The following PRRX1 variants were observed in gnomAD, a reference collection of about 807,000 sequenced individuals.
PRRX1 encodes paired mesoderm homeobox protein 1.
In PRRX1, 8 loss-of-function variants were observed where a neutral mutation model predicts 24.0. That is an observed-to-expected ratio of 0.33 (90% CI 0.20 to 0.60). PRRX1 has a LOEUF of 0.60. Among genes scored for constraint, PRRX1 ranks in the 20% least tolerant of loss-of-function variants. The pLI is 0.82. For synonymous variants in PRRX1, 160 were observed against 131.7 expected (o/e 1.22, Z -1.47); for missense variants, 281 against 322.4 (o/e 0.87, Z 0.98).
At chr1:170,734,690 C>T (rs1655549042) in intron 3 of PRRX1, among the ~76,000 whole-genome samples, 1 of 152,096 alleles carries the variant, frequency 6.6e-6, no homozygotes, top group African/African-American at 2.4e-5. Context: ...GTCACCCATA[C>T]ACTTAACCAG....
intron 2 of PRRX1, among the ~76,000 whole-genome samples, chr1:170,724,780 A>G (rs964705981): frequency 6.6e-6 from 1 of 152,120 alleles, no homozygotes; most frequent in African/African-American, 2.4e-5. Flanking sequence ...TTTTCGTTCT[A>G]TATAAATTTT....
chr1:170,692,088 A>G (rs1654003225), intron 1 of PRRX1, among the ~76,000 whole-genome samples: 1 of 152,126 alleles, frequency 6.6e-6, no homozygotes, highest in Admixed American at 6.6e-5. Context: ...TAAATATAAT[A>G]TCAAATGGAA....
intron 2 of PRRX1, among the ~76,000 whole-genome samples, chr1:170,724,294 C>T (rs550300187): frequency 2.6e-5 from 4 of 152,138 alleles, no homozygotes; most frequent in Non-Finnish European, 5.9e-5. Context: ...TTAATTAGAT[C>T]CCATTTGTCA....
At chr1:170,717,965 A>T (rs986984500) in intron 1 of PRRX1, among the ~76,000 whole-genome samples, 1 of 152,230 alleles carries the variant, frequency 6.6e-6, no homozygotes, top group East Asian at 1.9e-4. Context: ...CTGATCTTAC[A>T]TTCTTACTGA....
intron 1 of PRRX1, among the ~76,000 whole-genome samples, chr1:170,666,216 C>A (rs12118712): frequency 0.014 from 2,116 of 151,996 alleles, 27 homozygotes; most frequent in South Asian, 0.024. Context: ...GTCAGGAGTT[C>A]GAGACCAGCC....
chr1:170,682,191 T>C (rs960848476), intron 1 of PRRX1, among the ~76,000 whole-genome samples: 2 of 151,990 alleles, frequency 1.3e-5, no homozygotes, highest in Non-Finnish European at 2.9e-5. Context: ...AGGACCAAAA[T>C]TTAGGCAAAA....
intron 1 of PRRX1, among the ~76,000 whole-genome samples, chr1:170,679,445 G>C (rs749406505): frequency 2.9e-4 from 44 of 152,046 alleles, no homozygotes; most frequent in Non-Finnish European, 5.4e-4. Flanking sequence ...TGTTGCCCAG[G>C]CTGGAGTGCA....
At chr1:170,706,295 G>T (rs1380362599) in intron 1 of PRRX1, among the ~76,000 whole-genome samples, 2 of 152,128 alleles carry the variant, frequency 1.3e-5, no homozygotes, top group African/African-American at 4.8e-5. Flanking sequence ...TTCCAAAAAT[G>T]GAGGTAATTA....
chr1:170,678,264 C>T (rs1351009735), intron 1 of PRRX1, among the ~76,000 whole-genome samples: 1 of 152,202 alleles, frequency 6.6e-6, no homozygotes, highest in African/African-American at 2.4e-5. Context: ...GATGGCACTT[C>T]TATATCATGA....
intron 1 of PRRX1, among the ~76,000 whole-genome samples, chr1:170,675,792 A>G (rs1327599066): frequency 1.3e-5 from 2 of 152,220 alleles, no homozygotes; most frequent in Non-Finnish European, 2.9e-5. Context: ...TATTTTATTT[A>G]GGGAAAGTAT....
intron 1 of PRRX1, among the ~76,000 whole-genome samples, chr1:170,686,567 A>G (rs1653750816): frequency 6.6e-6 from 1 of 152,186 alleles, no homozygotes. Context: ...CTGTTTGATG[A>G]GAACAGAGAA....
intron 3 of PRRX1, chr1:170,729,069 T>C (rs1327543654): frequency 6.6e-6 from 1 of 152,236 alleles, no homozygotes; most frequent in East Asian, 1.9e-4. Context: ...AAGAAGAGAC[T>C]AAACACTTGC....
chr1:170,686,605 G>T (rs180843983), intron 1 of PRRX1, among the ~76,000 whole-genome samples: 1 of 152,162 alleles, frequency 6.6e-6, no homozygotes, highest in Non-Finnish European at 1.5e-5. Context: ...ATGACATTTC[G>T]CATTGGTAGG....
At chr1:170,666,816 A>G (rs1652951639) in intron 1 of PRRX1, among the ~76,000 whole-genome samples, 1 of 152,052 alleles carries the variant, frequency 6.6e-6, no homozygotes, top group Non-Finnish European at 1.5e-5. Flanking sequence ...GGAGCTCGGG[A>G]TTCGTCGTGG....
At chr1:170,708,574 T>C (rs768886761) in intron 1 of PRRX1, among the ~76,000 whole-genome samples, 3 of 152,214 alleles carry the variant, frequency 2.0e-5, no homozygotes, top group African/African-American at 7.2e-5. Flanking sequence ...AATATGTTTT[T>C]TGGAACATAG....
intron 3 of PRRX1, among the ~76,000 whole-genome samples, chr1:170,732,585 C>G (rs1655468421): frequency 6.6e-6 from 1 of 152,182 alleles, no homozygotes; most frequent in African/African-American, 2.4e-5. Flanking sequence ...TGTCAAACTA[C>G]TGGAAAACAG....
At chr1:170,719,988 C>T in intron 2 of PRRX1, 87 bp downstream of exon 2, 1 of 1,521,270 alleles carries the variant, frequency 6.6e-7, no homozygotes, top group Middle Eastern at 2.3e-4. Context: ...CAAATTATAG[C>T]CCAGCACAGT....
chr1:170,678,145 A>C (rs1406103679), intron 1 of PRRX1, among the ~76,000 whole-genome samples: 1 of 152,220 alleles, frequency 6.6e-6, no homozygotes, highest in Non-Finnish European at 1.5e-5. Context: ...TTGCCAACTT[A>C]GATTTCCTAA....
intron 3 of PRRX1, among the ~76,000 whole-genome samples, chr1:170,731,676 A>T (rs1655443749): frequency 6.6e-6 from 1 of 152,166 alleles, no homozygotes; most frequent in Admixed American, 6.5e-5. Context: ...ATGATAAAAA[A>T]TGATTTGTCC....
Sources: gnomAD v4.1 joint callset for allele counts (sites outside exome capture counted in the v4.1 genomes callset) on GRCh38, gnomAD v4.1.1 for gene constraint, MANE v1.5 for transcripts, NCBI Gene and HGNC (gene_info 2026-07-23, HGNC 2026-07-21) for gene names.